DNAH8: variants seen among roughly 807,000 people sequenced by gnomAD.
DNAH8 encodes the protein axonemal beta dynein heavy chain 8.
DNAH8 carries 382 observed loss-of-function variants against 562.1 expected under a neutral mutation model. That is an observed-to-expected ratio of 0.68 (90% CI 0.63 to 0.74). The LOEUF is 0.74. DNAH8 is among the 30% of genes least tolerant of loss of function. The pLI is 0.00. For synonymous variants in DNAH8, 1,881 were observed against 1,919.4 expected, an observed-to-expected ratio of 0.98 and a Z score of 0.52; for missense variants, 5,203 against 5,620.4, an observed-to-expected ratio of 0.93 and a Z score of 2.37.
chr6:38,764,945 C>A (rs149923513), intron 11 of DNAH8, among the ~76,000 whole-genome samples: 4,588 of 152,194 alleles, frequency 0.03, 218 homozygotes, highest in African/African-American at 0.099. Flanking sequence ...AGCAATTCTC[C>A]GGTTTCAGCC....
At position 38,883,473 on chromosome 6, in the gene DNAH8, G is replaced by A. The variant is rs1464437032; in HGVS notation, c.8136+17G>A. 5.0e-6 allele frequency: 8 copies of A among 1,602,388 alleles called. No individual in the cohort carries two copies. Among genetic ancestry groups the A allele is most frequent in the Non-Finnish European group, 6.8e-6 (8 of 1,174,980 alleles). ...ATGTTTCAGGTGAAATCCATCATTT[G>A]CTGTAATATTATAAACATAATACAT... On this transcript the variant is annotated intron_variant, in intron 55 of 92. Coordinates refer to ENST00000327475, the MANE Select transcript of DNAH8 (RefSeq NM_001206927.2).
intron 88 of DNAH8, among the ~76,000 whole-genome samples, chr6:39,003,981 AT>A (rs1267713375): frequency 6.7e-6 from 1 of 150,190 alleles, no homozygotes; most frequent in Non-Finnish European, 1.5e-5. Context: ...TTCCCATTTC[AT>A]TTTTTTTCTC....
intron 10 of DNAH8, among the ~76,000 whole-genome samples, chr6:38,756,696 G>T (rs1751049540): frequency 7.6e-6 from 1 of 132,124 alleles, no homozygotes; most frequent in Non-Finnish European, 1.6e-5. Flanking sequence ...ACAGGCCCCA[G>T]TGTGTGATGT....
chr6:38,753,325 C>A (rs1765626852), intron 9 of DNAH8, among the ~76,000 whole-genome samples: 1 of 152,026 alleles, frequency 6.6e-6, no homozygotes, highest in South Asian at 2.1e-4. Flanking sequence ...CTTAATTCCC[C>A]AACTTTACAA....
chr6:38,949,832 T>C (rs1761738165), intron 81 of DNAH8, among the ~76,000 whole-genome samples: 2 of 152,226 alleles, frequency 1.3e-5, no homozygotes, highest in Non-Finnish European at 2.9e-5. Context: ...AACGTATTAA[T>C]GATAGTGCTT....
intron 21 of DNAH8, among the ~76,000 whole-genome samples, chr6:38,796,762 G>A (rs1368142601): frequency 6.6e-6 from 1 of 152,016 alleles, no homozygotes. Context: ...CCCTTAAAAG[G>A]GACAGCAATT....
intron 18 of DNAH8, among the ~76,000 whole-genome samples, chr6:38,789,332 T>C (rs1769478915): frequency 1.3e-5 from 2 of 152,198 alleles, no homozygotes; most frequent in South Asian, 4.1e-4. Context: ...TAGTAAAAAA[T>C]TGATCATCAT....
At chr6:38,974,586 C>A (rs1763552672) in intron 85 of DNAH8, 57 bp downstream of exon 85, 15 of 1,457,042 alleles carry the variant, frequency 1.0e-5, no homozygotes, top group East Asian at 2.3e-5. Context: ...TGCTGAGGCC[C>A]CATTGGAGAG....
intron 70 of DNAH8, among the ~76,000 whole-genome samples, chr6:38,919,417 A>G (rs1781534173): frequency 6.6e-6 from 1 of 152,132 alleles, no homozygotes; most frequent in African/African-American, 2.4e-5. Flanking sequence ...CAGATTCTTA[A>G]TATTTTTTTT....
At chr6:38,852,957 C>T (rs1401548265) in intron 40 of DNAH8, among the ~76,000 whole-genome samples, 159 bp downstream of exon 40, 1 of 152,164 alleles carries the variant, frequency 6.6e-6, no homozygotes, top group Non-Finnish European at 1.5e-5. Flanking sequence ...CCTTTAACTT[C>T]TCTGAGACTC....
At chr6:38,971,496 T>A in intron 82 of DNAH8, 96 bp from the exon 83 acceptor site, 11 of 648,172 alleles carry the variant, frequency 1.7e-5, no homozygotes, top group Non-Finnish European at 2.4e-5. Flanking sequence ...TTAGAAACAA[T>A]AGAAGGAGGC....
intron 24 of DNAH8, among the ~76,000 whole-genome samples, chr6:38,809,440 T>C (rs987978705): frequency 2.6e-5 from 4 of 152,178 alleles, no homozygotes; most frequent in African/African-American, 7.2e-5. Flanking sequence ...CAAATTAATA[T>C]ATTTTTTTCC....
chr6:38,896,401 C>G (rs1779690922), intron 60 of DNAH8, among the ~76,000 whole-genome samples, 176 bp downstream of exon 60: 1 of 151,858 alleles, frequency 6.6e-6, no homozygotes, highest in Non-Finnish European at 1.5e-5. Flanking sequence ...TAATGAGACC[C>G]TGTCTCTATA....
intron 87 of DNAH8, among the ~76,000 whole-genome samples, chr6:38,984,807 A>G (rs538868548): frequency 1.3e-5 from 2 of 152,086 alleles, no homozygotes; most frequent in South Asian, 4.2e-4. Flanking sequence ...CAAAAACAAA[A>G]ACAAAAACCA....
Position 38,949,458 on chromosome 6 carries a change from C to T in DNAH8, c.12136C>T (p.Arg4046Cys), listed in dbSNP as rs751189468. The part of the protein sequence containing the change: ...QFAEIMNQIS[R>C]NEKGWKSWFD... ...ATTGGCTTGCTTCTTTTAGATATCTCGTAATGAGAAGGGGTGGAAAAGCTG... is the reference window on the plus strand; with the variant it reads ...ATTGGCTTGCTTCTTTTAGATATCTTGTAATGAGAAGGGGTGGAAAAGCTG... Residue 4046 changes from arginine (R) to cysteine (C), a missense_variant, in exon 81 of 93, where the codon CGT (arginine) becomes TGT (cysteine). Physicochemically the swap from Arg to Cys is radical, Grantham distance 180. This residue lies in a region of DNAH8 where 1,399 missense variants were observed against 1,518.4 expected (regional missense o/e 0.92). Transcript: ENST00000327475. The T allele has an allele frequency of 7.5e-6, 12 of 1,601,862 alleles. No homozygotes were observed. The highest frequency in any genetic ancestry group is 2.7e-5 in the African/African-American group (2 of 74,522).
chr6:38,894,126 G>C (rs185502953), intron 58 of DNAH8, among the ~76,000 whole-genome samples: 1 of 152,208 alleles, frequency 6.6e-6, no homozygotes, highest in East Asian at 1.9e-4. Flanking sequence ...ACTTATTATG[G>C]ATATACAGAT....
intron 67 of DNAH8, 117 bp from the exon 68 acceptor site, chr6:38,915,082 TAA>T (rs966702604): frequency 5.9e-6 from 5 of 849,938 alleles, no homozygotes; most frequent in Middle Eastern, 3.6e-4. Context: ...ACTTAGGAAA[TAA>T]GTTTGTTCTT....
rs777618650 is a variant in DNAH8, at chr6:38,814,118, A to G, written c.3322A>G (p.Ile1108Val). ...SFIKSEVHLA[I>V]PNVVMIPSLD... is the part of the protein sequence containing the mutation. ...TATAAAAAGTGAAGTACATCTTGCA[A>G]TTCCTAATGTGGTAAGTATTATTAA... The change falls in exon 25 of 93, where the codon ATT (isoleucine) becomes GTT (valine). Residue 1108 changes from isoleucine to valine, a missense_variant. Transcript: ENST00000327475. The G allele has an allele frequency of 8.5e-6, 13 of 1,531,498 alleles. No homozygotes were observed. The highest frequency in any genetic ancestry group is 2.7e-5 in the African/African-American group (2 of 73,642). The allele number at this position is 1,531,498 out of a possible 1,614,324, so 94.9% of individuals were successfully genotyped here.
intron 7 of DNAH8, among the ~76,000 whole-genome samples, 153 bp from the exon 8 acceptor site, chr6:38,741,558 C>T (rs1764522409): frequency 6.6e-6 from 1 of 151,958 alleles, no homozygotes; most frequent in Admixed American, 6.6e-5. Flanking sequence ...ATATTGAAGA[C>T]ATTCTCCTCT....
Sources: gnomAD v4.1 joint callset for allele counts (sites outside exome capture counted in the v4.1 genomes callset) on GRCh38, gnomAD v4.1.1 for gene constraint, gnomAD v4.1.1 regional missense constraint, MANE v1.5 for transcripts, NCBI Gene and HGNC (gene_info 2026-07-23, HGNC 2026-07-21) for gene names.